Variants in SORCS3 observed in about 807,000 individuals in gnomAD.
SORCS3 encodes sortilin related VPS10 domain containing receptor 3, also known as VPS10 domain-containing receptor SorCS3.
Under a neutral mutation model 146.3 loss-of-function variants are expected in SORCS3, and 57 were observed. That is an observed-to-expected ratio of 0.39 (90% CI 0.31 to 0.49). The LOEUF (loss-of-function observed/expected upper bound fraction) is 0.49. Among genes scored for constraint, SORCS3 ranks in the 20% least tolerant of loss-of-function variants. The pLI, the probability that SORCS3 is intolerant of heterozygous loss-of-function variation, is 0.92. For missense variants in SORCS3, 1,341 were observed against 1,575.5 expected, an observed-to-expected ratio of 0.85 and a Z score of 2.52; for synonymous variants, 653 against 618.5, an observed-to-expected ratio of 1.06 and a Z score of -0.83.
At position 105,214,519 on chromosome 10, in the gene SORCS3, G is replaced by A. The variant is rs760140824; in HGVS notation, c.2453G>A (p.Gly818Glu). The change falls in exon 18 of 27, where the codon GGA (glycine) becomes GAA (glutamate). Residue 818 changes from glycine (G) to glutamate (E), a missense_variant. Transcript: ENST00000369701. The part of the protein sequence containing the change: ...KYTAKAQMCP[G>E]KAPRGLHVVT... ...ACCGCCAAGGCCCAGATGTGCCCTG[G>A]AAAAGCCCCTCGGGGCCTCCATGTG... 73 of 1,613,930 alleles carry A rather than the reference G, an allele frequency of 4.5e-5. No homozygotes were observed. The highest frequency in any genetic ancestry group is 6.2e-5 in the Non-Finnish European group (73 of 1,179,958).
chr10:104,867,530 C>T (rs11192213), intron 2 of SORCS3, among the ~76,000 whole-genome samples: 12,922 of 152,046 alleles, frequency 0.085, 733 homozygotes, highest in South Asian at 0.25. Flanking sequence ...AGGATGGTCT[C>T]GATCTCCTGA....
At chr10:104,874,870 C>T (rs995168627) in intron 2 of SORCS3, among the ~76,000 whole-genome samples, 1 of 152,142 alleles carries the variant, frequency 6.6e-6, no homozygotes, top group African/African-American at 2.4e-5. Flanking sequence ...TACCCTTCAG[C>T]TCTCTTCTGC....
At chr10:104,786,114 A>G (rs1202576028) in intron 1 of SORCS3, among the ~76,000 whole-genome samples, 2 of 152,108 alleles carry the variant, frequency 1.3e-5, no homozygotes, top group South Asian at 2.1e-4. Context: ...ATGAATTACT[A>G]CTTTCTTGTG....
intron 2 of SORCS3, among the ~76,000 whole-genome samples, chr10:104,865,883 C>T (rs1004967218): frequency 9.9e-5 from 15 of 152,220 alleles, no homozygotes; most frequent in African/African-American, 3.4e-4. Flanking sequence ...GTACTTCACT[C>T]ACAGAGGCTG....
intron 2 of SORCS3, among the ~76,000 whole-genome samples, chr10:104,873,483 G>C (rs1189586434): frequency 1.3e-5 from 2 of 152,272 alleles, no homozygotes; most frequent in African/African-American, 4.8e-5. Flanking sequence ...AAGAAGGACT[G>C]TTATACCTGT....
At chr10:104,890,965 A>G (rs189783570) in intron 2 of SORCS3, among the ~76,000 whole-genome samples, 36 of 152,320 alleles carry the variant, frequency 2.4e-4, no homozygotes, top group Middle Eastern at 6.8e-3. Flanking sequence ...ATGCATGCCA[A>G]ATAATTTTTT....
intron 2 of SORCS3, among the ~76,000 whole-genome samples, chr10:104,897,569 T>C (rs1005008553): frequency 6.6e-6 from 1 of 152,226 alleles, no homozygotes; most frequent in Non-Finnish European, 1.5e-5. Context: ...AAAAGCTGTA[T>C]GTTCATCTAA....
intron 7 of SORCS3, among the ~76,000 whole-genome samples, chr10:105,134,304 G>A (rs1160869279): frequency 1.3e-5 from 2 of 152,094 alleles, no homozygotes; most frequent in Non-Finnish European, 2.9e-5. Context: ...TGTGGTAGAT[G>A]TACTCAATTA....
intron 3 of SORCS3, among the ~76,000 whole-genome samples, chr10:104,917,698 T>C (rs1382595912): frequency 1.3e-5 from 2 of 152,222 alleles, no homozygotes; most frequent in African/African-American, 4.8e-5. Flanking sequence ...AATTCTGAGA[T>C]TAACTCTTTT....
At chr10:105,148,516 C>T (rs958523187) in intron 9 of SORCS3, among the ~76,000 whole-genome samples, 5 of 152,090 alleles carry the variant, frequency 3.3e-5, no homozygotes, top group Non-Finnish European at 5.9e-5. Flanking sequence ...GTCCTGGACC[C>T]AGTGAAGGAA....
intron 5 of SORCS3, among the ~76,000 whole-genome samples, chr10:105,044,281 G>C (rs2055355286): frequency 6.6e-6 from 1 of 152,084 alleles, no homozygotes; most frequent in African/African-American, 2.4e-5. Flanking sequence ...GAGATGCAGT[G>C]ATCACTTGAG....
intron 10 of SORCS3, among the ~76,000 whole-genome samples, chr10:105,158,250 G>A (rs697193): frequency 0.52 from 78,206 of 151,484 alleles, 20,522 homozygotes; most frequent in Middle Eastern, 0.57. Flanking sequence ...ATTTGTATTT[G>A]TTGTACAGAA....
intron 7 of SORCS3, among the ~76,000 whole-genome samples, chr10:105,133,673 G>A (rs912632577): frequency 6.6e-6 from 1 of 152,172 alleles, no homozygotes; most frequent in African/African-American, 2.4e-5. Context: ...TAGATGCAGT[G>A]GCTCATATCT....
intron 1 of SORCS3, among the ~76,000 whole-genome samples, chr10:104,737,311 G>A (rs1387782825): frequency 6.6e-6 from 1 of 151,844 alleles, no homozygotes; most frequent in African/African-American, 2.4e-5. Context: ...GGATGGCTGG[G>A]TCAAATGGTA....
At chr10:105,154,017 C>G (rs929727932) in intron 9 of SORCS3, among the ~76,000 whole-genome samples, 8 of 134,820 alleles carry the variant, frequency 5.9e-5, no homozygotes, top group Non-Finnish European at 1.1e-4. Context: ...TTGCAATGAG[C>G]TGAGATGGTG....
chr10:105,116,498 C>T (rs530611514), intron 7 of SORCS3, among the ~76,000 whole-genome samples: 1 of 152,284 alleles, frequency 6.6e-6, no homozygotes, highest in East Asian at 1.9e-4. Flanking sequence ...GAACTTAAAA[C>T]AGGATTACCA....
chr10:105,183,177 T>G (rs997987348), intron 14 of SORCS3, among the ~76,000 whole-genome samples: 4 of 152,120 alleles, frequency 2.6e-5, no homozygotes, highest in African/African-American at 9.7e-5. Flanking sequence ...TAGAGGAAAG[T>G]GAGAGGTGAA....
intron 11 of SORCS3, among the ~76,000 whole-genome samples, chr10:105,163,670 G>A (rs188083618): frequency 2.2e-3 from 329 of 152,248 alleles, no homozygotes; most frequent in African/African-American, 7.6e-3. Flanking sequence ...GTGAAGGGAT[G>A]GAAGCAGCAA....
intron 23 of SORCS3, among the ~76,000 whole-genome samples, chr10:105,254,439 G>A (rs939682905): frequency 2.6e-5 from 4 of 152,198 alleles, no homozygotes; most frequent in Non-Finnish European, 5.9e-5. Flanking sequence ...CTGTAGGCAT[G>A]CCTCTTTCTG....
Sources: allele counts gnomAD v4.1 joint callset (sites outside exome capture counted in the v4.1 genomes callset), GRCh38; gene constraint gnomAD v4.1.1; transcripts MANE v1.5; gene names NCBI Gene and HGNC (gene_info 2026-07-23, HGNC 2026-07-21).